Variants in TMEFF1 observed in about 807,000 individuals in gnomAD.
TMEFF1 encodes transmembrane protein with EGF like and two follistatin like domains 1.
A neutral mutation model predicts 47.5 loss-of-function variants in TMEFF1; 20 were observed. The ratio of observed to expected loss-of-function variants is 0.42; its 90% confidence interval spans 0.30 to 0.61. The LOEUF is 0.61. Ranked by LOEUF, TMEFF1 falls within the 20% of genes least tolerant of loss-of-function variation. TMEFF1 has a pLI of 0.19. For missense variants in TMEFF1, 411 were observed against 471.1 expected (o/e 0.87, Z 1.18); for synonymous variants, 162 against 166.3 (o/e 0.97, Z 0.20).
chr9:100,572,384 C>T (rs1473500388), intron 8 of TMEFF1, 134 bp from the exon 9 acceptor site: 10 of 1,017,860 alleles, frequency 9.8e-6, no homozygotes, highest in Non-Finnish European at 1.3e-5. Context: ...ACATTTTTCC[C>T]CCAGATGGTA....
intron 1 of TMEFF1, among the ~76,000 whole-genome samples, chr9:100,478,137 C>T (rs537019481): frequency 1.6e-4 from 25 of 152,248 alleles, no homozygotes; most frequent in African/African-American, 6.0e-4. Flanking sequence ...GTCCCCTACC[C>T]ATGCCACTTA....
intron 9 of TMEFF1, among the ~76,000 whole-genome samples, chr9:100,575,364 C>G (rs1236121445): frequency 6.6e-6 from 1 of 152,106 alleles, no homozygotes; most frequent in Non-Finnish European, 1.5e-5. Context: ...ATCACCTTAA[C>G]TAAACGCCCT....
intron 8 of TMEFF1, among the ~76,000 whole-genome samples, chr9:100,566,489 C>T (rs1839127405): frequency 6.6e-6 from 1 of 152,160 alleles, no homozygotes; most frequent in Non-Finnish European, 1.5e-5. Context: ...TCAGACAAAA[C>T]ACCCTCTGAT....
intron 5 of TMEFF1, among the ~76,000 whole-genome samples, chr9:100,525,200 C>CG (rs1399608999): frequency 2.0e-5 from 3 of 152,128 alleles, no homozygotes; most frequent in Non-Finnish European, 4.4e-5. Flanking sequence ...CTGACACTAC[C>CG]TAGATGTCCA....
At chr9:100,496,370 G>A (rs1321558964) in intron 1 of TMEFF1, among the ~76,000 whole-genome samples, 1 of 152,210 alleles carries the variant, frequency 6.6e-6, no homozygotes, top group Non-Finnish European at 1.5e-5. Context: ...CTCCCAAGTA[G>A]CTGGGACTAC....
intron 7 of TMEFF1, among the ~76,000 whole-genome samples, chr9:100,560,030 C>G (rs957279562): frequency 3.3e-5 from 5 of 151,992 alleles, no homozygotes; most frequent in African/African-American, 7.2e-5. Context: ...CACTTGGCAC[C>G]TCTATTCTCA....
At chr9:100,527,226 G>A (rs531598974) in intron 5 of TMEFF1, among the ~76,000 whole-genome samples, 8 of 152,184 alleles carry the variant, frequency 5.3e-5, no homozygotes, top group African/African-American at 1.4e-4. Flanking sequence ...GCCTGGATCC[G>A]GAGGGGAGGA....
chr9:100,520,845 G>A (rs1001556786), intron 5 of TMEFF1, among the ~76,000 whole-genome samples: 2 of 152,200 alleles, frequency 1.3e-5, no homozygotes, highest in Admixed American at 6.5e-5. Flanking sequence ...TCAGTCTATT[G>A]TGTTGTGCAT....
intron 1 of TMEFF1, among the ~76,000 whole-genome samples, chr9:100,489,679 T>C (rs2118280041): frequency 6.6e-6 from 1 of 152,286 alleles, no homozygotes; most frequent in East Asian, 1.9e-4. Flanking sequence ...AAAATAGGCA[T>C]TAAAAAAAGT....
chr9:100,572,592 A>G lies in TMEFF1; in HGVS notation c.974A>G (p.Gln325Arg). ...FSILYVVPSR[Q>R]KLTHVLIAAI... ...ATTCTCTATGTAGTGCCAAGTAGGC[A>G]AAAGCTCACTCATGTTCTTATTGCA... Residue 325 changes from glutamine to arginine, a missense_variant, in exon 9 of 10, where the codon CAA becomes CGA. Transcript: ENST00000374879. The G allele has an allele frequency of 6.2e-7, 1 of 1,613,702 alleles. No individual in the cohort carries two copies. The highest frequency in any genetic ancestry group is 8.5e-7 in the Non-Finnish European group (1 of 1,179,772).
intron 9 of TMEFF1, 125 bp from the exon 10 acceptor site, chr9:100,576,391 T>G: frequency 3.3e-6 from 4 of 1,217,168 alleles, no homozygotes; most frequent in Non-Finnish European, 4.5e-6. Context: ...CTCATTTCCC[T>G]TTCATGTAAT....
intron 1 of TMEFF1, among the ~76,000 whole-genome samples, chr9:100,495,751 C>T (rs563926019): frequency 1.3e-5 from 2 of 152,134 alleles, no homozygotes; most frequent in East Asian, 3.9e-4. Flanking sequence ...GACTTTTACC[C>T]TTACCTATTA....
In TMEFF1 at chr9:100,576,792, C is replaced by T; in HGVS notation, c.*192C>T. 1 of 546,968 alleles carries T rather than the reference C, an allele frequency of 1.8e-6. No homozygotes were observed. The highest frequency in any genetic ancestry group is 2.9e-6 in the Non-Finnish European group (1 of 344,626). The allele number at this position is 546,968 out of a possible 1,614,324, so 33.9% of individuals were successfully genotyped here. ...AGTCTTTGTTTTATGTTTTTAAATACAGAAATTGCTTTCACAAATTTGTAC... is the reference window on the plus strand; with the variant it reads ...AGTCTTTGTTTTATGTTTTTAAATATAGAAATTGCTTTCACAAATTTGTAC... On this transcript the variant is annotated 3_prime_UTR_variant, in exon 10 of 10. Coordinates refer to ENST00000374879, the MANE Select transcript of TMEFF1 (RefSeq NM_003692.5).
intron 3 of TMEFF1, among the ~76,000 whole-genome samples, chr9:100,511,564 T>G (rs1837967803): frequency 6.6e-6 from 1 of 152,242 alleles, no homozygotes; most frequent in Non-Finnish European, 1.5e-5. Context: ...GTGGATCCTA[T>G]TCCTTGAACT....
chr9:100,565,349 GA>G (rs1175591668), intron 8 of TMEFF1, among the ~76,000 whole-genome samples: 3 of 151,924 alleles, frequency 2.0e-5, no homozygotes, highest in Non-Finnish European at 4.4e-5. Context: ...CTTTGCATTT[GA>G]ATCCCACATT....
At chr9:100,493,125 G>T (rs1026546158) in intron 1 of TMEFF1, among the ~76,000 whole-genome samples, 2 of 151,676 alleles carry the variant, frequency 1.3e-5, no homozygotes, top group Admixed American at 6.6e-5. Context: ...GACAATTTTG[G>T]TTGTCAGAGC....
At chr9:100,562,741 G>A (rs1366698880) in intron 8 of TMEFF1, among the ~76,000 whole-genome samples, 3 of 149,810 alleles carry the variant, frequency 2.0e-5, no homozygotes, top group African/African-American at 4.9e-5. Flanking sequence ...CTGCAACCTC[G>A]GCTTCCCAGG....
intron 7 of TMEFF1, among the ~76,000 whole-genome samples, chr9:100,556,501 A>G (rs1039844233): frequency 6.6e-6 from 1 of 152,154 alleles, no homozygotes; most frequent in African/African-American, 2.4e-5. Context: ...CTTAAAAATA[A>G]AGGATTGGTT....
At chr9:100,537,262 G>A (rs993099350) in intron 5 of TMEFF1, among the ~76,000 whole-genome samples, 1 of 152,204 alleles carries the variant, frequency 6.6e-6, no homozygotes, top group Non-Finnish European at 1.5e-5. Context: ...TCTCTGTACT[G>A]TAGTCCTTGT....
Sources: allele counts gnomAD v4.1 joint callset (sites outside exome capture counted in the v4.1 genomes callset), GRCh38; gene constraint gnomAD v4.1.1; transcripts MANE v1.5; gene names NCBI Gene and HGNC (gene_info 2026-07-23, HGNC 2026-07-21).